Variants in SGO2 observed in about 807,000 individuals in gnomAD.
SGO2 encodes shugoshin 2.
A neutral mutation model predicts 99.5 loss-of-function variants in SGO2; 68 were observed. The ratio of observed to expected loss-of-function variants is 0.68; its 90% CI spans 0.56 to 0.84. The LOEUF (loss-of-function observed/expected upper bound fraction) is 0.84. SGO2 is among the 40% of genes least tolerant of loss of function. The probability of loss-of-function intolerance (pLI) is 0.00; values close to 1 mark genes in which losing one functional copy is unlikely to be tolerated. For synonymous variants in SGO2, 457 were observed against 487.1 expected (o/e 0.94, Z 0.81); for missense variants, 1,350 against 1,436.7 (o/e 0.94, Z 0.97).
At chr2:200,534,563 T>C (rs2031595645) in intron 2 of SGO2, among the ~76,000 whole-genome samples, 1 of 152,200 alleles carries the variant, frequency 6.6e-6, no homozygotes, top group South Asian at 2.1e-4. Context: ...AGAAGCTGGC[T>C]TTAGAATTTT....
At chr2:200,544,111 A>G (rs77378644) in intron 5 of SGO2, among the ~76,000 whole-genome samples, 1,685 of 152,296 alleles carry the variant, frequency 0.011, 36 homozygotes, top group African/African-American at 0.038. Context: ...ATTATACAGT[A>G]TGTATGTTTG....
At chr2:200,540,847 T>G (rs1382024853) in intron 4 of SGO2, among the ~76,000 whole-genome samples, 7 of 152,242 alleles carry the variant, frequency 4.6e-5, no homozygotes. Context: ...GCTGCTGCTA[T>G]AACAGAATAC....
intron 5 of SGO2, among the ~76,000 whole-genome samples, chr2:200,564,310 C>T (rs1038063076): frequency 6.6e-6 from 1 of 152,170 alleles, no homozygotes; most frequent in East Asian, 1.9e-4. Flanking sequence ...GCCTTCATTT[C>T]GTTATGTACC....
At position 200,545,533 on chromosome 2, in the gene SGO2, CAACAA is replaced by C. The variant is rs111459726; in HGVS notation, c.473+2892_473+2896del. Among the ~76,000 whole-genome samples, 236 of 152,080 alleles carry C rather than the reference CAACAA, an allele frequency of 1.6e-3. 1 individual carries two copies. Among genetic ancestry groups the C allele is most frequent in the African/African-American group, 5.3e-3 (221 of 41,494 alleles). ...TAAGATAAGCTGGCTTCTCTTGCCC[CAACAA>C]AACAAAACAAAACAAAACAAAATAT... is the stretch of plus-strand genomic sequence containing the variant. On this transcript the variant is annotated intron_variant, in intron 5 of 8. Coordinates refer to ENST00000357799, the MANE Select transcript of SGO2 (RefSeq NM_152524.6).
intron 5 of SGO2, among the ~76,000 whole-genome samples, chr2:200,555,986 C>T (rs997317250): frequency 2.0e-5 from 3 of 152,050 alleles, no homozygotes; most frequent in East Asian, 1.9e-4. Flanking sequence ...TGTTTTGAGA[C>T]GGAGTCTCAC....
At chr2:200,567,133 T>A (rs1347418738) in intron 5 of SGO2, among the ~76,000 whole-genome samples, 2 of 152,226 alleles carry the variant, frequency 1.3e-5, no homozygotes, top group Non-Finnish European at 2.9e-5. Flanking sequence ...CAGTTGGAAA[T>A]GCAGAAATCA....
chr2:200,543,544 T>C (rs2032064149), intron 5 of SGO2: 1 of 152,232 alleles, frequency 6.6e-6, no homozygotes, highest in African/African-American at 2.4e-5. Context: ...ATAGATTTAA[T>C]GCTTTTACTT....
chr2:200,538,450 T>TA (rs1206479440), intron 4 of SGO2, among the ~76,000 whole-genome samples: 1 of 152,206 alleles, frequency 6.6e-6, no homozygotes, highest in Non-Finnish European at 1.5e-5. Flanking sequence ...CCCCTGCACT[T>TA]ACATTTCATA....
chr2:200,573,028 A>G lies in SGO2; in HGVS notation c.2682A>G (p.Lys894=). ...LELKKYVTDR[K]SAEQNESKIN... ...TGAAAAAGTATGTTACTGATAGGAAATCTGCTGAGCAAAATGAATCAAAAA... is the reference window on the plus strand; with the variant it reads ...TGAAAAAGTATGTTACTGATAGGAAGTCTGCTGAGCAAAATGAATCAAAAA... The change falls in exon 7 of 9, where the codon AAA becomes AAG. Residue 894 remains lysine, a synonymous_variant. Coordinates refer to ENST00000357799, the MANE Select transcript of SGO2 (RefSeq NM_152524.6). The G allele has an allele frequency of 6.4e-7, 1 of 1,569,228 alleles. No homozygotes were observed. The highest frequency in any genetic ancestry group is 8.6e-7 in the Non-Finnish European group (1 of 1,165,162).
At position 200,580,702 on chromosome 2, in the gene SGO2, T is replaced by C. The variant is rs369774714; in HGVS notation, c.3783-2747T>C. 1.6e-4 allele frequency among the ~76,000 whole-genome samples: 25 copies of C among 152,178 alleles called. No individual in the cohort carries two copies. The East Asian group carries it at 2.3e-3, about 14-fold the overall frequency. ...TAAAAATCAGCCAGGCACATTGGCA[T>C]GTGCTTGTAGTCCCAGCTGCTACTA... On this transcript the variant is annotated intron_variant, in intron 8 of 8. Coordinates refer to ENST00000357799, the MANE Select transcript of SGO2 (RefSeq NM_152524.6).
At chr2:200,542,724 G>C in intron 5 of SGO2, 60 bp downstream of exon 5, 1 of 1,394,124 alleles carries the variant, frequency 7.2e-7, no homozygotes. Context: ...AACACAATTA[G>C]TGTTTGTGTG....
In SGO2 at chr2:200,583,504, C is replaced by A; in HGVS notation, c.*40C>A. On this transcript the variant is annotated 3_prime_UTR_variant, in exon 9 of 9. Transcript: ENST00000357799. ...TTCTGGTTTTTCTGAATTTTCAAAG[C>A]ATAAGGAATCAAAACAGAAATATAG... 6.5e-7 allele frequency: 1 copy of A among 1,550,374 alleles called. No homozygotes were observed. Among genetic ancestry groups the A allele is most frequent in the Non-Finnish European group, 8.7e-7 (1 of 1,144,536 alleles).
intron 5 of SGO2, among the ~76,000 whole-genome samples, chr2:200,561,411 A>C (rs978725898): frequency 6.6e-6 from 1 of 152,180 alleles, no homozygotes; most frequent in African/African-American, 2.4e-5. Flanking sequence ...TCCACGGTGT[A>C]TATGTGCACA....
intron 5 of SGO2, among the ~76,000 whole-genome samples, chr2:200,568,753 C>T (rs2033286323): frequency 6.6e-6 from 1 of 152,200 alleles, no homozygotes; most frequent in African/African-American, 2.4e-5. Flanking sequence ...CAAGTGTTGG[C>T]ACCCCCTTCG....
At chr2:200,583,407 A>AT (rs1559223984) in intron 8 of SGO2, 42 bp from the exon 9 acceptor site, 1 of 1,557,598 alleles carries the variant, frequency 6.4e-7, no homozygotes, top group South Asian at 1.2e-5. Context: ...AAAAGCATTA[A>AT]TTTTGGGTTG....
chr2:200,558,420 T>C (rs921282142), intron 5 of SGO2, among the ~76,000 whole-genome samples: 1 of 152,106 alleles, frequency 6.6e-6, no homozygotes, highest in African/African-American at 2.4e-5. Context: ...ATTAATGTTA[T>C]GAATTTTTAA....
intron 8 of SGO2, among the ~76,000 whole-genome samples, chr2:200,578,215 G>A (rs2033729969): frequency 2.5e-5 from 3 of 118,518 alleles, no homozygotes; most frequent in Non-Finnish European, 5.7e-5. Flanking sequence ...TTCTATAGAT[G>A]AAAGTCCAAT....
intron 4 of SGO2, among the ~76,000 whole-genome samples, chr2:200,538,365 C>T (rs1467901187): frequency 6.6e-6 from 1 of 152,154 alleles, no homozygotes; most frequent in South Asian, 2.1e-4. Context: ...AAGTTCCCGT[C>T]CTTCAAATGT....
intron 1 of SGO2, among the ~76,000 whole-genome samples, chr2:200,531,086 A>G (rs2031353401): frequency 6.6e-6 from 1 of 152,198 alleles, no homozygotes; most frequent in African/African-American, 2.4e-5. Flanking sequence ...ATATCGGGAA[A>G]GAATTGTTGG....
Sources: allele counts gnomAD v4.1 joint callset (sites outside exome capture counted in the v4.1 genomes callset), GRCh38; gene constraint gnomAD v4.1.1; transcripts MANE v1.5; gene names NCBI Gene and HGNC (gene_info 2026-07-23, HGNC 2026-07-21).